CFAP44: variants seen among roughly 807,000 people sequenced by gnomAD.
CFAP44 encodes cilia and flagella associated protein 44, also known as cilia- and flagella-associated protein 44.
A neutral mutation model predicts 216.2 loss-of-function variants in CFAP44; 134 were observed. That is an observed-to-expected ratio of 0.62 (90% CI 0.54 to 0.72). CFAP44 has a LOEUF of 0.72. Ranked by LOEUF, CFAP44 falls within the 30% of genes least tolerant of loss-of-function variation. The probability of loss-of-function intolerance (pLI) is 0.00; values close to 1 mark genes in which losing one functional copy is unlikely to be tolerated. For synonymous variants in CFAP44, 700 were observed against 727.6 expected (o/e 0.96, Z 0.61); for missense variants, 2,035 against 2,182.1 (o/e 0.93, Z 1.34).
intron 22 of CFAP44, among the ~76,000 whole-genome samples, chr3:113,348,831 G>A (rs1013967723): frequency 6.6e-6 from 1 of 152,202 alleles, no homozygotes; most frequent in Non-Finnish European, 1.5e-5. Flanking sequence ...GTACACAGAT[G>A]TCCTACAGGG....
At chr3:113,376,643 T>C (rs750272157) in intron 17 of CFAP44, among the ~76,000 whole-genome samples, 16 of 152,172 alleles carry the variant, frequency 1.1e-4, no homozygotes, top group Non-Finnish European at 5.9e-5. Context: ...GACAGAGAAT[T>C]GACCTCTGAG....
At chr3:113,302,596 C>A (rs1046793985) in intron 32 of CFAP44, among the ~76,000 whole-genome samples, 1 of 150,596 alleles carries the variant, frequency 6.6e-6, no homozygotes, top group Non-Finnish European at 1.5e-5. Flanking sequence ...CCCATCTCTA[C>A]TAAAAAACAC....
chr3:113,406,721 G>A (rs1475192054), intron 8 of CFAP44, among the ~76,000 whole-genome samples: 6 of 151,758 alleles, frequency 4.0e-5, no homozygotes, highest in Admixed American at 3.9e-4. Flanking sequence ...AAAGAAAATA[G>A]AAAATGGTAG....
At chr3:113,426,339 C>T in intron 3 of CFAP44, 62 bp from the exon 4 acceptor site, 2 of 1,555,338 alleles carry the variant, frequency 1.3e-6, no homozygotes, top group Non-Finnish European at 1.7e-6. Flanking sequence ...ACCCAAATCT[C>T]AACTTGAATT....
chr3:113,429,367 T>C (rs955938585), intron 2 of CFAP44, among the ~76,000 whole-genome samples: 1 of 152,156 alleles, frequency 6.6e-6, no homozygotes, highest in East Asian at 1.9e-4. Context: ...AATTGATCCT[T>C]TTACCCTTAT....
intron 32 of CFAP44, among the ~76,000 whole-genome samples, chr3:113,298,640 G>A (rs75602028): frequency 6.6e-6 from 1 of 152,178 alleles, no homozygotes; most frequent in African/African-American, 2.4e-5. Flanking sequence ...ACATATAATG[G>A]AATATTATTT....
At chr3:113,415,060 G>A (rs1216847397) in intron 6 of CFAP44, among the ~76,000 whole-genome samples, 1 of 152,066 alleles carries the variant, frequency 6.6e-6, no homozygotes, top group Non-Finnish European at 1.5e-5. Context: ...GGTCTATTCA[G>A]GGATTCAACT....
At chr3:113,406,261 A>G (rs1934275089) in intron 8 of CFAP44, among the ~76,000 whole-genome samples, 4 of 152,220 alleles carry the variant, frequency 2.6e-5, no homozygotes, top group African/African-American at 9.6e-5. Context: ...TAAATGCCAC[A>G]TGGTTGTATA....
intron 31 of CFAP44, among the ~76,000 whole-genome samples, chr3:113,304,695 T>A (rs189235851): frequency 1.1e-4 from 16 of 152,330 alleles, no homozygotes; most frequent in Non-Finnish European, 2.9e-5. Flanking sequence ...GATTAGTCCA[T>A]GTATAGATAA....
intron 15 of CFAP44, among the ~76,000 whole-genome samples, chr3:113,383,448 C>T (rs969192524): frequency 6.6e-6 from 1 of 152,106 alleles, no homozygotes; most frequent in Non-Finnish European, 1.5e-5. Context: ...GACCTAATTC[C>T]CTCAAAGGCC....
rs764121940 is a variant in CFAP44 at position 113,366,023 on chromosome 3, T to C, written c.2715+16A>G. ...ATACAGTTTGTTATTAATTAACTGG[T>C]TAATTAATTACATACCCTGGGAGAT... On this transcript the variant is annotated intron_variant, in intron 19 of 34. Transcript: ENST00000393845. 7 of 1,580,676 alleles carry C rather than the reference T, an allele frequency of 4.4e-6. No homozygotes were observed. In the Admixed American group the frequency reaches 5.6e-5, roughly 13 times the overall value.
chr3:113,313,219 A>C (rs1950056270), intron 28 of CFAP44, among the ~76,000 whole-genome samples: 1 of 152,122 alleles, frequency 6.6e-6, no homozygotes. Flanking sequence ...CTGGAGTCAA[A>C]GGAGATCATT....
chr3:113,397,187 T>C (rs60264945), intron 13 of CFAP44: 11,561 of 162,220 alleles, frequency 0.071, 474 homozygotes, highest in East Asian at 0.15. Context: ...AAGAAAGAGA[T>C]GGTGGAGCTG....
chr3:113,292,433 G>A (rs1949839296), intron 34 of CFAP44, among the ~76,000 whole-genome samples: 1 of 152,136 alleles, frequency 6.6e-6, no homozygotes, highest in South Asian at 2.1e-4. Context: ...TCATCACTCT[G>A]CCAATACCTG....
Position 113,341,928 on chromosome 3 carries a change from G to C in CFAP44, c.3263-10C>G. Reference sequence around the variant, plus strand: ...ATGGTAACACTCCCACCTACATAGAGAATCAACATTTTTCAGCCTTTTTGA... The same window carrying C: ...ATGGTAACACTCCCACCTACATAGACAATCAACATTTTTCAGCCTTTTTGA... On this transcript the variant is annotated splice_polypyrimidine_tract_variant and intron_variant, in intron 23 of 34. Transcript: ENST00000393845. 1 of 1,495,662 alleles carries C rather than the reference G, an allele frequency of 6.7e-7. No homozygotes were observed. The highest frequency in any genetic ancestry group is 8.8e-7 in the Non-Finnish European group (1 of 1,135,634). 92.6% of individuals were successfully genotyped at this position (1,495,662 alleles called of 1,614,324 possible).
At chr3:113,381,324 C>G (rs1442545025) in intron 15 of CFAP44, among the ~76,000 whole-genome samples, 1 of 151,986 alleles carries the variant, frequency 6.6e-6, no homozygotes, top group Non-Finnish European at 1.5e-5. Context: ...TTTATAGATG[C>G]TATAACATAT....
At chr3:113,372,051 A>G (rs922644406) in intron 18 of CFAP44, among the ~76,000 whole-genome samples, 3 of 152,248 alleles carry the variant, frequency 2.0e-5, no homozygotes, top group Non-Finnish European at 2.9e-5. Context: ...ACCAGTTAGA[A>G]TGGCACTCAT....
intron 15 of CFAP44, among the ~76,000 whole-genome samples, chr3:113,385,553 G>A (rs1933625161): frequency 6.6e-6 from 1 of 152,256 alleles, no homozygotes; most frequent in Non-Finnish European, 1.5e-5. Context: ...AGAAGAATGT[G>A]TATTCTACAG....
rs1483470845 is a variant in CFAP44, at chr3:113,291,447, C to T, written c.*110G>A. 1.5e-6 allele frequency: 2 copies of T among 1,308,468 alleles called. No individual in the cohort carries two copies. Among genetic ancestry groups the T allele is most frequent in the East Asian group, 2.5e-5 (1 of 39,454 alleles). The allele number at this position is 1,308,468 out of a possible 1,614,324, so 81.1% of individuals were successfully genotyped here. On this transcript the variant is annotated 3_prime_UTR_variant, in exon 35 of 35. Transcript: ENST00000393845. The stretch of plus-strand genomic sequence containing the variant: ...TAACGTGACTGGATCTGGTTTTACA[C>T]TTTCAGGCGAGTTCAGTTTAAAGTA...
Sources: gnomAD v4.1 joint callset for allele counts (sites outside exome capture counted in the v4.1 genomes callset) on GRCh38, gnomAD v4.1.1 for gene constraint, MANE v1.5 for transcripts, NCBI Gene and HGNC (gene_info 2026-07-23, HGNC 2026-07-21) for gene names.